SEC23B: variants seen among roughly 807,000 people sequenced by gnomAD.
SEC23B encodes SEC23 homolog B, COPII component, also known as protein transport protein Sec23B.
A neutral mutation model predicts 104.3 loss-of-function variants in SEC23B; 77 were observed. The observed-to-expected ratio is 0.74, with a 90% CI of 0.61 to 0.89. SEC23B has a LOEUF of 0.89. Ranked by LOEUF, SEC23B falls within the 40% of genes least tolerant of loss-of-function variation. The pLI, the probability that SEC23B is intolerant of heterozygous loss-of-function variation, is 0.00. For synonymous variants in SEC23B, 338 were observed against 332.5 expected (o/e 1.02, Z -0.18); for missense variants, 885 against 949.4 (o/e 0.93, Z 0.89).
At chr20:18,515,161 A>G (rs2060013831) in intron 3 of SEC23B, among the ~76,000 whole-genome samples, 1 of 152,236 alleles carries the variant, frequency 6.6e-6, no homozygotes, top group Admixed American at 6.5e-5. Context: ...TAGAAGTTAC[A>G]ATAGCTTAAA....
At position 18,525,878 on chromosome 20, in the gene SEC23B, G is replaced by C. The variant is rs763007439; in HGVS notation, c.780G>C (p.Lys260Asn). Residue 260 changes from lysine (K) to asparagine (N), a missense_variant, in exon 7 of 20, where the codon AAG becomes AAC. Transcript: ENST00000650089. ...ACCCATGGCCAGTAACTCAGGGGAA[G>C]AGACCTTTGCGATCCACTGGTGTGG... ...QRDPWPVTQGKRPLRSTGVAL... is the reference protein window; with the variant it reads ...QRDPWPVTQGNRPLRSTGVAL... 1.2e-6 allele frequency: 2 copies of C among 1,614,222 alleles called. No homozygotes were observed. The highest frequency in any genetic ancestry group is 1.7e-6 in the Non-Finnish European group (2 of 1,180,028).
intron 19 of SEC23B, among the ~76,000 whole-genome samples, chr20:18,559,590 C>T (rs547427879): frequency 1.6e-4 from 25 of 152,056 alleles, no homozygotes; most frequent in South Asian, 8.3e-4. Flanking sequence ...CATTTTTGCC[C>T]GGAGTACAGT....
chr20:18,560,596 A>G, intron 19 of SEC23B, 55 bp from the exon 20 acceptor site: 1 of 1,404,976 alleles, frequency 7.1e-7, no homozygotes, highest in Non-Finnish European at 1.0e-6. Context: ...ACAGCTCATG[A>G]ATTCTAATCA....
rs2060130697 is a variant in SEC23B, at chr20:18,525,985, AAT to A, written c.834+58_834+59del. 8.3e-6 allele frequency: 13 copies of A among 1,573,590 alleles called. No individual in the cohort carries two copies. The South Asian group carries it at 1.2e-4, about 15-fold the overall frequency. ...AAATCATACAAATGTGCTCTCAGAA[AAT>A]ATATTTGTTGGCTTTGTTTGAAAAT... On this transcript the variant is annotated intron_variant, in intron 7 of 19. Transcript: ENST00000650089.
chr20:18,540,436 G>A (rs2093150), intron 12 of SEC23B, among the ~76,000 whole-genome samples: 45,048 of 152,048 alleles, frequency 0.3, 7,210 homozygotes, highest in Non-Finnish European at 0.36. Context: ...AGTAATTGCT[G>A]TACACAGATG....
intron 10 of SEC23B, among the ~76,000 whole-genome samples, chr20:18,531,380 G>A (rs2060185214): frequency 6.6e-6 from 1 of 152,186 alleles, no homozygotes; most frequent in South Asian, 2.1e-4. Context: ...CACTGGGCCA[G>A]GCATGGTGGC....
At position 18,543,095 on chromosome 20, in the gene SEC23B, C is replaced by T. The variant is rs121918223; in HGVS notation, c.1588C>T (p.Arg530Trp). ...DQEAAAVLMA[R>W]LGVFRAESEE... ...GGAGGCTGCGGCAGTGTTGATGGCA[C>T]GGCTTGGGGTGTTCCGAGCGGAGTC... Residue 530 changes from arginine (R) to tryptophan (W), a missense_variant, in exon 14 of 20, where the codon CGG becomes TGG. Transcript: ENST00000650089. The T allele has an allele frequency of 6.2e-6, 10 of 1,614,018 alleles. No individual in the cohort carries two copies. The highest frequency in any genetic ancestry group is 2.7e-5 in the African/African-American group (2 of 74,880).
rs1326108346 is a variant in SEC23B at position 18,524,951 on chromosome 20, C to T, written c.620C>T (p.Thr207Ile). ...TTTTTTAAGGATATGTTGGGCCTGA[C>T]CAAGCCAGCCATGCCCATGCAGCAA... is the stretch of plus-strand genomic sequence containing the variant. ...AKQIQDMLGL[T>I]KPAMPMQQAR... The change falls in exon 6 of 20, where the codon ACC becomes ATC. Residue 207 changes from threonine (T) to isoleucine (I), a missense_variant. Coordinates refer to ENST00000650089, the MANE Select transcript of SEC23B (RefSeq NM_006363.6). 6.2e-7 allele frequency: 1 copy of T among 1,613,748 alleles called. No homozygotes were observed. Among genetic ancestry groups the T allele is most frequent in the Middle Eastern group, 1.6e-4 (1 of 6,062 alleles).
intron 2 of SEC23B, 77 bp from the exon 3 acceptor site, chr20:18,512,148 G>T: frequency 3.4e-6 from 3 of 878,536 alleles, no homozygotes; most frequent in Non-Finnish European, 3.6e-6. Context: ...ACAAATGAAC[G>T]CTTTCTACCT....
At chr20:18,523,367 T>C (rs1446697606) in intron 4 of SEC23B, among the ~76,000 whole-genome samples, 1 of 151,444 alleles carries the variant, frequency 6.6e-6, no homozygotes, top group Non-Finnish European at 1.5e-5. Context: ...TTACTTTCTT[T>C]TTCTTTCTCT....
rs183451872 is a variant in SEC23B, at chr20:18,546,171, C to T, written c.1743+138C>T. ...GTGACAGAGATTGTTCAACCCAAGT[C>T]GAATATGTGTCTAGGCAAGACAGCA... On this transcript the variant is annotated intron_variant, in intron 15 of 19. Transcript: ENST00000650089. 5.7e-5 allele frequency: 37 copies of T among 654,804 alleles called. No individual in the cohort carries two copies. The East Asian group carries it at 8.6e-4, about 15-fold the overall frequency. 40.6% of individuals were successfully genotyped at this position (654,804 alleles called of 1,614,324 possible).
intron 3 of SEC23B, 45 bp from the exon 4 acceptor site, chr20:18,515,605 A>C: frequency 9.1e-7 from 1 of 1,095,210 alleles, no homozygotes; most frequent in Non-Finnish European, 1.4e-6. Flanking sequence ...TAAAAAGTGT[A>C]ATATAGTTAT....
chr20:18,530,340 C>G (rs1194117455), intron 9 of SEC23B, among the ~76,000 whole-genome samples: 2 of 152,046 alleles, frequency 1.3e-5, no homozygotes, highest in Non-Finnish European at 2.9e-5. Context: ...CAACCTCTGC[C>G]TCCTGGGTTC....
chr20:18,509,137 C>G (rs979782414), intron 1 of SEC23B, among the ~76,000 whole-genome samples: 2 of 152,180 alleles, frequency 1.3e-5, no homozygotes, highest in African/African-American at 4.8e-5. Context: ...TTAGTTATCC[C>G]TTTGCTTCCC....
intron 13 of SEC23B, among the ~76,000 whole-genome samples, chr20:18,542,800 A>G (rs539803635): frequency 3.3e-5 from 5 of 152,056 alleles, no homozygotes; most frequent in Non-Finnish European, 7.4e-5. Context: ...AAAACTAGCT[A>G]ATCTTTTTAC....
chr20:18,554,397 G>C lies in SEC23B; in HGVS notation c.2148+7G>C. On this transcript the variant is annotated splice_region_variant and intron_variant, in intron 18 of 19. Coordinates refer to ENST00000650089, the MANE Select transcript of SEC23B (RefSeq NM_006363.6). ...GGAGCATGGAGGCAGTCAGGTGAGT[G>C]AGCTGAGTTCTAACTCCAGTGGTTT... The C allele has an allele frequency of 1.2e-6, 2 of 1,614,170 alleles. No homozygotes were observed. The highest frequency in any genetic ancestry group is 1.7e-6 in the Non-Finnish European group (2 of 1,180,006).
chr20:18,535,510 G>A, intron 11 of SEC23B, 143 bp from the exon 12 acceptor site: 1 of 663,054 alleles, frequency 1.5e-6, no homozygotes, highest in Non-Finnish European at 2.7e-6. Flanking sequence ...CTTTTCAGGA[G>A]AAGGTTTTAT....
intron 4 of SEC23B, among the ~76,000 whole-genome samples, chr20:18,524,226 A>C (rs2060112670): frequency 6.6e-6 from 1 of 152,198 alleles, no homozygotes. Flanking sequence ...AATGTTGGCA[A>C]AGTTGTTGGA....
intron 16 of SEC23B, among the ~76,000 whole-genome samples, chr20:18,549,990 A>G (rs2060371228): frequency 6.8e-6 from 1 of 147,782 alleles, no homozygotes; most frequent in Non-Finnish European, 1.5e-5. Flanking sequence ...TAAAAATAAA[A>G]AAGAAATAAT....
Sources: allele counts gnomAD v4.1 joint callset (sites outside exome capture counted in the v4.1 genomes callset), GRCh38; gene constraint gnomAD v4.1.1; transcripts MANE v1.5; gene names NCBI Gene and HGNC (gene_info 2026-07-23, HGNC 2026-07-21).